The following CDK6 variants were observed in gnomAD, a reference collection of about 807,000 sequenced individuals.
The protein encoded by CDK6 is cyclin-dependent kinase 6.
In CDK6, 6 loss-of-function variants were observed where a neutral mutation model predicts 37.1. The ratio of observed to expected loss-of-function variants is 0.16; its 90% CI spans 0.09 to 0.32. The LOEUF (loss-of-function observed/expected upper bound fraction) is 0.32. Ranked by LOEUF, CDK6 falls within the 10% of genes least tolerant of loss-of-function variation. The probability of loss-of-function intolerance (pLI) is 1.00; values close to 1 mark genes in which losing one functional copy is unlikely to be tolerated. For missense variants in CDK6, 224 were observed against 418.9 expected (o/e 0.53, Z 4.06); for synonymous variants, 160 against 161.3 (o/e 0.99, Z 0.06).
chr7:92,640,973 T>C lies in CDK6; in HGVS notation c.648-17887A>G, dbSNP rs188027000. ...GTACCAGGGAATATTTAAATACAAA[T>C]AAATAAGATCCAGATATATTTTTAT... On this transcript the variant is annotated intron_variant, in intron 5 of 7. Coordinates refer to ENST00000424848, the MANE Select transcript of CDK6 (RefSeq NM_001145306.2). 2.0e-3 allele frequency among the ~76,000 whole-genome samples: 310 copies of C among 152,240 alleles called. 2 individuals are homozygous for C. The highest frequency in any genetic ancestry group is 6.0e-3 in the African/African-American group (251 of 41,560).
At chr7:92,627,007 T>A (rs1294944676) in intron 5 of CDK6, among the ~76,000 whole-genome samples, 1 of 152,078 alleles carries the variant, frequency 6.6e-6, no homozygotes, top group Non-Finnish European at 1.5e-5. Context: ...TAAAAACTTG[T>A]ACATGAATAT....
chr7:92,716,958 A>C (rs1368152717), intron 4 of CDK6, among the ~76,000 whole-genome samples: 1 of 152,196 alleles, frequency 6.6e-6, no homozygotes, highest in Non-Finnish European at 1.5e-5. Flanking sequence ...TTTCTGAAGC[A>C]TATGGTCTCA....
intron 4 of CDK6, among the ~76,000 whole-genome samples, chr7:92,694,207 A>G (rs1270449332): frequency 6.6e-6 from 1 of 152,230 alleles, no homozygotes; most frequent in East Asian, 1.9e-4. Context: ...TCTGGATATT[A>G]GTTATAAATA....
At chr7:92,708,507 T>C (rs955881110) in intron 4 of CDK6, among the ~76,000 whole-genome samples, 3 of 152,178 alleles carry the variant, frequency 2.0e-5, no homozygotes, top group Non-Finnish European at 4.4e-5. Context: ...TTGCCAACTT[T>C]AGCAAAATCT....
At chr7:92,754,505 T>A (rs1799264836) in intron 3 of CDK6, among the ~76,000 whole-genome samples, 1 of 152,172 alleles carries the variant, frequency 6.6e-6, no homozygotes, top group South Asian at 2.1e-4. Flanking sequence ...TTCAATTGAG[T>A]AAGTTGGAAC....
chr7:92,747,319 ACTGATCTC>A (rs1471973497), intron 3 of CDK6, among the ~76,000 whole-genome samples: 7 of 152,086 alleles, frequency 4.6e-5, no homozygotes, highest in Non-Finnish European at 4.4e-5. Flanking sequence ...ATTCTCTTTG[ACTGATCTC>A]CTGTTGTAAT....
intron 2 of CDK6, among the ~76,000 whole-genome samples, chr7:92,826,488 C>T (rs557482777): frequency 4.3e-4 from 65 of 152,120 alleles, no homozygotes; most frequent in African/African-American, 1.5e-3. Flanking sequence ...GGAGAGGTAC[C>T]AAGTGCACAT....
chr7:92,663,696 G>A (rs1406555362), intron 5 of CDK6, among the ~76,000 whole-genome samples: 1 of 149,212 alleles, frequency 6.7e-6, no homozygotes, highest in Non-Finnish European at 1.5e-5. Flanking sequence ...GCGAGACTCT[G>A]TCTCCAAAAA....
chr7:92,763,450 A>G (rs1188260114), intron 3 of CDK6, among the ~76,000 whole-genome samples: 1 of 152,262 alleles, frequency 6.6e-6, no homozygotes, highest in African/African-American at 2.4e-5. Context: ...TTCAAAGGTC[A>G]AATCATGAAT....
intron 5 of CDK6, among the ~76,000 whole-genome samples, chr7:92,660,263 T>C (rs147130490): frequency 6.6e-6 from 1 of 152,280 alleles, no homozygotes; most frequent in East Asian, 1.9e-4. Flanking sequence ...ACAGACACAA[T>C]GCTATGGGGC....
intron 4 of CDK6, among the ~76,000 whole-genome samples, chr7:92,696,944 T>C (rs547508008): frequency 6.6e-6 from 1 of 152,242 alleles, no homozygotes; most frequent in East Asian, 1.9e-4. Flanking sequence ...CAATCAAATA[T>C]GAGACAGGAA....
At chr7:92,684,783 G>A (rs1443195824) in intron 4 of CDK6, among the ~76,000 whole-genome samples, 1 of 152,084 alleles carries the variant, frequency 6.6e-6, no homozygotes, top group Non-Finnish European at 1.5e-5. Flanking sequence ...GGAAATAGGA[G>A]AGAAGGAAAA....
chr7:92,773,627 C>A (rs543311800), intron 3 of CDK6, among the ~76,000 whole-genome samples: 1 of 152,222 alleles, frequency 6.6e-6, no homozygotes, highest in East Asian at 1.9e-4. Flanking sequence ...CCTTAATGTC[C>A]TTGAAACTGC....
At chr7:92,672,134 C>CATATACAT (rs1554401673) in intron 4 of CDK6, among the ~76,000 whole-genome samples, 12 of 65,408 alleles carry the variant, frequency 1.8e-4, no homozygotes, top group African/African-American at 8.5e-4. Context: ...AAAAGCTGTA[C>CATATACAT]ATATATATAT....
At chr7:92,743,357 C>T (rs967289286) in intron 3 of CDK6, among the ~76,000 whole-genome samples, 2 of 149,678 alleles carry the variant, frequency 1.3e-5, no homozygotes, top group Non-Finnish European at 3.0e-5. Flanking sequence ...GCCTGGGTGA[C>T]AAAAGCGAAA....
chr7:92,749,822 G>C (rs1289255803), intron 3 of CDK6, among the ~76,000 whole-genome samples: 1 of 152,208 alleles, frequency 6.6e-6, no homozygotes, highest in Non-Finnish European at 1.5e-5. Flanking sequence ...AAATACGCAA[G>C]TGATTACCAG....
At chr7:92,729,068 T>C (rs1304225394) in intron 3 of CDK6, among the ~76,000 whole-genome samples, 1 of 152,006 alleles carries the variant, frequency 6.6e-6, no homozygotes, top group African/African-American at 2.4e-5. Flanking sequence ...TAGTCCCAAT[T>C]CCAGAGGATT....
At chr7:92,731,492 C>A (rs1798649025) in intron 3 of CDK6, among the ~76,000 whole-genome samples, 1 of 152,180 alleles carries the variant, frequency 6.6e-6, no homozygotes, top group South Asian at 2.1e-4. Flanking sequence ...CGTCTCTTTG[C>A]CACTGTGCAT....
rs1013602635 is a variant in CDK6 at position 92,612,250 on chromosome 7, A to T, written c.*2890T>A. 32 of 233,094 alleles carry T rather than the reference A, an allele frequency of 1.4e-4. No homozygotes were observed. The highest frequency in any genetic ancestry group is 7.1e-4 in the African/African-American group (32 of 45,376). 14.4% of individuals were successfully genotyped at this position (233,094 alleles called of 1,614,324 possible). The stretch of plus-strand genomic sequence containing the variant: ...ACTATGAAATTCAAACATGATTTCA[A>T]ATCTGTCACAATATTTTAACTTGCT... On this transcript the variant is annotated 3_prime_UTR_variant, in exon 8 of 8. Coordinates refer to ENST00000424848, the MANE Select transcript of CDK6 (RefSeq NM_001145306.2).
Sources: allele counts gnomAD v4.1 joint callset (sites outside exome capture counted in the v4.1 genomes callset), GRCh38; gene constraint gnomAD v4.1.1; transcripts MANE v1.5; gene names NCBI Gene and HGNC (gene_info 2026-07-23, HGNC 2026-07-21).